The following POFUT3 variants were observed in gnomAD, a reference collection of about 807,000 sequenced individuals.
POFUT3 encodes protein O-fucosyltransferase 3.
chr8:33,349,898 C>T, the POFUT3 span, among the ~76,000 whole-genome samples: 1 of 152,142 alleles, frequency 6.6e-6, no homozygotes, highest in Non-Finnish European at 1.5e-5. Flanking sequence ...ACATTCCCAC[C>T]AGCAGGGTAA....
chr8:33,458,721 A>G, the POFUT3 span, among the ~76,000 whole-genome samples: 1 of 152,090 alleles, frequency 6.6e-6, no homozygotes, highest in African/African-American at 2.4e-5. Context: ...CTCAAAAAAC[A>G]AAAAACAAAA....
the POFUT3 span, among the ~76,000 whole-genome samples, chr8:33,410,921 A>G: frequency 6.6e-6 from 1 of 152,176 alleles, no homozygotes; most frequent in Non-Finnish European, 1.5e-5. Flanking sequence ...CCCTCCAGGC[A>G]GGCTGCCTGT....
chr8:33,433,968 A>C, the POFUT3 span, among the ~76,000 whole-genome samples: 9 of 20,894 alleles, frequency 4.3e-4, no homozygotes, highest in Non-Finnish European at 7.0e-4. Context: ...ACACTGTCAT[A>C]AAAAAAAAAA....
chr8:33,348,420 CAG>C, the POFUT3 span, among the ~76,000 whole-genome samples: 5 of 152,180 alleles, frequency 3.3e-5, no homozygotes, highest in Admixed American at 2.6e-4. Flanking sequence ...AAAAAAAAGT[CAG>C]AGTGTTAGGT....
At chr8:33,309,201 C>CAT in the POFUT3 span, among the ~76,000 whole-genome samples, 2 of 81,050 alleles carry the variant, frequency 2.5e-5, no homozygotes, top group Admixed American at 1.5e-4. Flanking sequence ...TATATATATA[C>CAT]ACACACATAT....
the POFUT3 span, among the ~76,000 whole-genome samples, chr8:33,319,746 T>TTA: frequency 6.0e-5 from 4 of 67,182 alleles, 2 homozygotes; most frequent in Non-Finnish European, 9.4e-5. Context: ...TTATATATAT[T>TTA]TATATATATA....
the POFUT3 span, chr8:33,461,678 A>G: frequency 6.7e-7 from 1 of 1,487,354 alleles, no homozygotes; most frequent in Non-Finnish European, 8.9e-7. Flanking sequence ...TTAGGCTATC[A>G]TCAGAGCAGC....
the POFUT3 span, among the ~76,000 whole-genome samples, chr8:33,449,608 G>C: frequency 1.3e-5 from 2 of 151,926 alleles, no homozygotes; most frequent in African/African-American, 4.8e-5. Flanking sequence ...CTTTTAAAAG[G>C]TGGTTTTAAC....
the POFUT3 span, among the ~76,000 whole-genome samples, chr8:33,370,301 G>C: frequency 6.6e-6 from 1 of 151,648 alleles, no homozygotes; most frequent in Admixed American, 6.6e-5. Context: ...GTTGCAGTGA[G>C]CTGAGATCGC....
At chr8:33,329,547 A>G in the POFUT3 span, among the ~76,000 whole-genome samples, 2 of 152,228 alleles carry the variant, frequency 1.3e-5, no homozygotes, top group African/African-American at 2.4e-5. Flanking sequence ...CAACTGCTCA[A>G]TACTGCAAAG....
the POFUT3 span, among the ~76,000 whole-genome samples, chr8:33,353,137 C>T: frequency 6.6e-6 from 1 of 152,202 alleles, no homozygotes; most frequent in Non-Finnish European, 1.5e-5. Flanking sequence ...CTCAACTCCA[C>T]CATATTCTGG....
chr8:33,467,678 A>T, the POFUT3 span, among the ~76,000 whole-genome samples: 6 of 152,204 alleles, frequency 3.9e-5, no homozygotes, highest in African/African-American at 1.4e-4. Context: ...ATACTCTTGC[A>T]CGTGCTATGC....
chr8:33,461,475 A>G, the POFUT3 span: 3 of 1,613,336 alleles, frequency 1.9e-6, no homozygotes, highest in South Asian at 3.3e-5. Flanking sequence ...TGGGTGACTG[A>G]CAGAGGGCTA....
chr8:33,389,076 C>A, the POFUT3 span: 1 of 1,614,190 alleles, frequency 6.2e-7, no homozygotes, highest in Non-Finnish European at 8.5e-7. Flanking sequence ...TCCCTGAGAG[C>A]TGTCAGAAGT....
the POFUT3 span, among the ~76,000 whole-genome samples, chr8:33,355,649 AACAAC>A: frequency 1.3e-5 from 2 of 151,820 alleles, no homozygotes; most frequent in Non-Finnish European, 2.9e-5. Flanking sequence ...CTCAGACAAT[AACAAC>A]ACATTTATTT....
the POFUT3 span, among the ~76,000 whole-genome samples, chr8:33,366,601 A>G: frequency 2.0e-5 from 3 of 152,214 alleles, no homozygotes; most frequent in Non-Finnish European, 4.4e-5. Flanking sequence ...TATTACCACC[A>G]ATCTCCTCAG....
the POFUT3 span, among the ~76,000 whole-genome samples, chr8:33,462,379 C>A: frequency 1.3e-5 from 2 of 151,988 alleles, no homozygotes; most frequent in South Asian, 4.1e-4. Flanking sequence ...GACTATCCAC[C>A]CACTCCCATA....
At chr8:33,341,517 AG>A in the POFUT3 span, among the ~76,000 whole-genome samples, 1 of 152,092 alleles carries the variant, frequency 6.6e-6, no homozygotes, top group East Asian at 1.9e-4. Flanking sequence ...TTCAGTAAAG[AG>A]GAAGGCTCTA....
the POFUT3 span, among the ~76,000 whole-genome samples, chr8:33,395,700 A>G: frequency 2.6e-5 from 4 of 152,122 alleles, no homozygotes; most frequent in Non-Finnish European, 5.9e-5. Flanking sequence ...TCCACGGACG[A>G]CAAGTGCTAA....
Sources: allele counts gnomAD v4.1 joint callset (sites outside exome capture counted in the v4.1 genomes callset), GRCh38; gene constraint gnomAD v4.1.1; transcripts MANE v1.5; gene names NCBI Gene and HGNC (gene_info 2026-07-23, HGNC 2026-07-21).